The following EPM2A variants were observed in gnomAD, a reference collection of about 807,000 sequenced individuals.
The protein encoded by EPM2A is EPM2A glucan phosphatase, laforin, also known as laforin.
EPM2A carries 21 observed loss-of-function variants against 26.5 expected under a neutral mutation model. That is an observed-to-expected ratio of 0.79 (90% CI 0.56 to 1.14). The LOEUF (loss-of-function observed/expected upper bound fraction) is 1.14. Among genes scored for constraint, EPM2A ranks in the 50% most tolerant of loss-of-function variants. The pLI, the probability that EPM2A is intolerant of heterozygous loss-of-function variation, is 0.00. For missense variants in EPM2A, 458 were observed against 440.8 expected (o/e 1.04, Z -0.35); for synonymous variants, 217 against 177.6 (o/e 1.22, Z -1.76).
chr6:145,460,410 G>C (rs752209345), intron 4 of EPM2A, among the ~76,000 whole-genome samples: 2 of 152,122 alleles, frequency 1.3e-5, no homozygotes, highest in Non-Finnish European at 2.9e-5. Context: ...CTAAGAAGAA[G>C]ATATAATTAT....
chr6:145,732,217 G>GTT (rs1471429995), intron 1 of EPM2A, among the ~76,000 whole-genome samples: 1 of 103,672 alleles, frequency 9.6e-6, no homozygotes, highest in African/African-American at 3.4e-5. Flanking sequence ...GTGTGTGTGT[G>GTT]TGTGTGTGTG....
intron 2 of EPM2A, among the ~76,000 whole-genome samples, chr6:145,550,709 G>A (rs1482122213): frequency 6.6e-6 from 1 of 151,884 alleles, no homozygotes; most frequent in Non-Finnish European, 1.5e-5. Flanking sequence ...AGACAACAAG[G>A]ATGAAGACTT....
intron 4 of EPM2A, among the ~76,000 whole-genome samples, chr6:145,466,203 G>A (rs1028233626): frequency 6.0e-4 from 90 of 148,912 alleles, no homozygotes; most frequent in Admixed American, 3.3e-3. Flanking sequence ...GAGTGAACAG[G>A]CAACCTACAA....
chr6:145,442,865 A>ATT lies in EPM2A; in HGVS notation c.556-58770_556-58769dup, dbSNP rs35175914. Among the ~76,000 whole-genome samples, 774 of 147,346 alleles carry ATT rather than the reference A, an allele frequency of 5.3e-3. 9 individuals carry two copies. The East Asian group carries it at 0.054, about 10-fold the overall frequency. ...AGGTTATTCTTTGTTCTTTCTTACT[A>ATT]TTTTTTTTTTTTTGAGATGGTGTCT... On this transcript the variant is annotated intron_variant, in intron 4 of 4. Coordinates refer to the EPM2A transcript ENST00000638717.
chr6:145,466,091 G>C lies in EPM2A; in HGVS notation c.555+36431C>G, dbSNP rs548703781. Among the ~76,000 whole-genome samples, 5 of 151,956 alleles carry C rather than the reference G, an allele frequency of 3.3e-5. No individual in the cohort carries two copies. In the East Asian group the frequency reaches 9.7e-4, roughly 29 times the overall value. ...ACATAGACATGGGCAAGGACTTCATGTCTAAAACACCAAAAGCAATGGCAA... is the reference window on the plus strand; with the variant it reads ...ACATAGACATGGGCAAGGACTTCATCTCTAAAACACCAAAAGCAATGGCAA... On this transcript the variant is annotated intron_variant, in intron 4 of 4. Coordinates refer to the EPM2A transcript ENST00000638717.
At chr6:145,532,471 T>G (rs772963492) in intron 2 of EPM2A, among the ~76,000 whole-genome samples, 1 of 152,146 alleles carries the variant, frequency 6.6e-6, no homozygotes, top group Non-Finnish European at 1.5e-5. Context: ...CTTTGATCAT[T>G]CACGGGCATG....
intron 4 of EPM2A, among the ~76,000 whole-genome samples, chr6:145,417,689 C>A (rs1479110110): frequency 1.3e-5 from 2 of 152,072 alleles, no homozygotes; most frequent in Non-Finnish European, 2.9e-5. Context: ...TGACTTTTTT[C>A]TGAATATAGA....
intron 4 of EPM2A, among the ~76,000 whole-genome samples, chr6:145,474,670 G>T (rs1163129389): frequency 6.6e-6 from 1 of 152,094 alleles, no homozygotes; most frequent in Non-Finnish European, 1.5e-5. Context: ...ACTATTATCA[G>T]ATTGAACAGG....
chr6:145,647,998 T>C (rs1410966068), intron 2 of EPM2A, among the ~76,000 whole-genome samples: 1 of 152,224 alleles, frequency 6.6e-6, no homozygotes, highest in Non-Finnish European at 1.5e-5. Flanking sequence ...TTTCTTGCTT[T>C]AACTGCCAGA....
chr6:145,410,012 A>T (rs924592875), intron 4 of EPM2A, among the ~76,000 whole-genome samples: 1 of 152,076 alleles, frequency 6.6e-6, no homozygotes. Context: ...TTTCTGCCAC[A>T]CTCTATTGGC....
intron 4 of EPM2A, among the ~76,000 whole-genome samples, chr6:145,447,996 A>C (rs890207680): frequency 6.6e-6 from 1 of 152,148 alleles, no homozygotes; most frequent in Non-Finnish European, 1.5e-5. Flanking sequence ...GGAATCAAAA[A>C]GATAAAATTA....
At position 145,384,394 on chromosome 6, in the gene EPM2A, C is replaced by G. The variant is rs1778230749; in HGVS notation, c.556-297G>C. Among the ~76,000 whole-genome samples, 2 of 120,852 alleles carry G rather than the reference C, an allele frequency of 1.7e-5. 1 individual carries two copies. The highest frequency in any genetic ancestry group is 6.3e-5 in the African/African-American group (2 of 31,994). The allele number at this position is 120,852 out of a possible 152,430, so 79.3% of individuals were successfully genotyped here. On this transcript the variant is annotated intron_variant, in intron 4 of 4. Coordinates refer to the EPM2A transcript ENST00000638717. The stretch of plus-strand genomic sequence containing the variant: ...CACAGGGTTATTTTTTAGTGATAAT[C>G]ATGGGATCAACACCTGTGGGGGCAT...
At chr6:145,698,107 C>A (rs1052278651) in intron 1 of EPM2A, among the ~76,000 whole-genome samples, 1 of 152,184 alleles carries the variant, frequency 6.6e-6, no homozygotes, top group African/African-American at 2.4e-5. Flanking sequence ...GAAATCTTCA[C>A]AATCCACGTT....
chr6:145,448,769 T>C (rs1470635532), intron 4 of EPM2A, among the ~76,000 whole-genome samples: 5 of 152,198 alleles, frequency 3.3e-5, no homozygotes, highest in Admixed American at 6.5e-5. Context: ...ACAGAGATGA[T>C]ACATAGACTA....
chr6:145,509,326 A>G (rs1780021465), intron 2 of EPM2A, among the ~76,000 whole-genome samples: 1 of 152,210 alleles, frequency 6.6e-6, no homozygotes, highest in South Asian at 2.1e-4. Flanking sequence ...AGAAAATCTT[A>G]AAGACAGATA....
At chr6:145,733,791 A>G (rs759601474) in intron 1 of EPM2A, among the ~76,000 whole-genome samples, 1 of 152,204 alleles carries the variant, frequency 6.6e-6, no homozygotes, top group Non-Finnish European at 1.5e-5. Flanking sequence ...GATAATATAT[A>G]AACACATTCC....
intron 4 of EPM2A, among the ~76,000 whole-genome samples, chr6:145,441,472 C>T (rs1182411475): frequency 6.6e-6 from 1 of 152,212 alleles, no homozygotes; most frequent in Non-Finnish European, 1.5e-5. Flanking sequence ...CAAATTCCTG[C>T]AGCCTGCTTG....
intron 4 of EPM2A, among the ~76,000 whole-genome samples, chr6:145,402,126 G>T (rs778679577): frequency 5.9e-5 from 9 of 152,086 alleles, no homozygotes; most frequent in Non-Finnish European, 1.0e-4. Context: ...ATTGCAAAGA[G>T]CTAGGTAGTA....
intron 2 of EPM2A, among the ~76,000 whole-genome samples, chr6:145,536,848 C>T (rs1780438899): frequency 6.6e-6 from 1 of 152,192 alleles, no homozygotes; most frequent in African/African-American, 2.4e-5. Flanking sequence ...GCCACCATCA[C>T]TTGAATTTTG....
Sources: gnomAD v4.1 joint callset for allele counts (sites outside exome capture counted in the v4.1 genomes callset) on GRCh38, gnomAD v4.1.1 for gene constraint, MANE v1.5 for transcripts, NCBI Gene and HGNC (gene_info 2026-07-23, HGNC 2026-07-21) for gene names.